Variants in BAHCC1 observed in about 807,000 individuals in gnomAD.
The protein encoded by BAHCC1 is BAH and coiled-coil domain-containing protein 1.
Under a neutral mutation model 88.2 loss-of-function variants are expected in BAHCC1, and 43 were observed. The observed-to-expected ratio is 0.49, with a 90% CI of 0.38 to 0.63. BAHCC1 has a LOEUF of 0.63. BAHCC1 is among the 20% of genes least tolerant of loss of function. The probability of loss-of-function intolerance (pLI) is 0.00; values close to 1 mark genes in which losing one functional copy is unlikely to be tolerated. For missense variants in BAHCC1, 3,023 were observed against 1,654.8 expected, an observed-to-expected ratio of 1.83 and a Z score of -14.34; for synonymous variants, 1,510 against 745.5, an observed-to-expected ratio of 2.03 and a Z score of -16.71.
At chr17:81,440,527 C>G (rs1555652341) in intron 4 of BAHCC1, among the ~76,000 whole-genome samples, 1 of 152,230 alleles carries the variant, frequency 6.6e-6, no homozygotes, top group Non-Finnish European at 1.5e-5. Flanking sequence ...CTCCCCTTGT[C>G]AGCTCCCTCT....
At chr17:81,456,667 T>C in intron 16 of BAHCC1, 82 bp downstream of exon 16, 1 of 640,242 alleles carries the variant, frequency 1.6e-6, no homozygotes, top group South Asian at 1.8e-5. Flanking sequence ...GGCAGGTTCA[T>C]GGCCGCCACC....
At chr17:81,408,263 G>T (rs1437496623) in intron 2 of BAHCC1, among the ~76,000 whole-genome samples, 8 of 152,162 alleles carry the variant, frequency 5.3e-5, no homozygotes, top group African/African-American at 9.7e-5. Context: ...GAGGCTGTCT[G>T]GTTGTCCTGG....
At chr17:81,446,363 A>G (rs1401058374) in intron 10 of BAHCC1, among the ~76,000 whole-genome samples, 2 of 150,868 alleles carry the variant, frequency 1.3e-5, no homozygotes, top group Non-Finnish European at 2.9e-5. Flanking sequence ...AACCCTGATT[A>G]AAGCATCATG....
chr17:81,432,934 C>T (rs771335372), intron 3 of BAHCC1, among the ~76,000 whole-genome samples: 31 of 117,396 alleles, frequency 2.6e-4, no homozygotes, highest in Non-Finnish European at 4.4e-4. Flanking sequence ...AGGAAGGCTG[C>T]GCTCCTCCCT....
rs947166721 is a variant in BAHCC1, at chr17:81,408,292, G to T, written c.178+8375G>T. ...GTCCTGGAAGCCGCTGCCTGCATGGGGCACTGCTTCCTGTCCTGTGTGGCC... is the reference window on the plus strand; with the variant it reads ...GTCCTGGAAGCCGCTGCCTGCATGGTGCACTGCTTCCTGTCCTGTGTGGCC... On this transcript the variant is annotated intron_variant, in intron 2 of 27. Coordinates refer to ENST00000675386, the MANE Select transcript of BAHCC1 (RefSeq NM_001377448.1). 1.4e-4 allele frequency among the ~76,000 whole-genome samples: 21 copies of T among 152,228 alleles called. No individual in the cohort carries two copies. In the Middle Eastern group the frequency reaches 0.01, roughly 74 times the overall value.
chr17:81,442,939 A>G lies in BAHCC1; in HGVS notation c.1590A>G (p.Glu530=), dbSNP rs781835723. 1.8e-5 allele frequency: 14 copies of G among 778,858 alleles called. No individual in the cohort carries two copies. The highest frequency in any genetic ancestry group is 2.2e-4 in the Middle Eastern group (1 of 4,460). 48.2% of individuals were successfully genotyped at this position (778,858 alleles called of 1,614,324 possible). A position where few individuals can be genotyped will look rare whatever the true frequency, so the allele number is the denominator to read the frequency against. ...CCTLDKTVGK[E]APAGPPGAQK... Reference sequence around the variant, plus strand: ...CTTTAGATAAGACTGTTGGCAAGGAAGCCCCGGCCGGCCCCCCAGGGGCAC... The same window carrying G: ...CTTTAGATAAGACTGTTGGCAAGGAGGCCCCGGCCGGCCCCCCAGGGGCAC... Residue 530 remains glutamate (E), a synonymous_variant, in exon 5 of 28, where the codon GAA becomes GAG. Coordinates refer to ENST00000675386, the MANE Select transcript of BAHCC1 (RefSeq NM_001377448.1).
chr17:81,447,413 G>T lies in BAHCC1; in HGVS notation c.3541G>T (p.Ala1181Ser). The change falls in exon 11 of 28, where the codon GCA (alanine) becomes TCA (serine). Residue 1181 changes from alanine (A) to serine (S), a missense_variant. Transcript: ENST00000675386. Reference sequence around the variant, plus strand: ...CCAGGCTCATTCTACTCAGGGAGGGGCACGAGAAGAGAGGAGCAGGGAGGA... The same window carrying T: ...CCAGGCTCATTCTACTCAGGGAGGGTCACGAGAAGAGAGGAGCAGGGAGGA... ...TGQAHSTQGG[A>S]REERSREEGE... 1 of 744,376 alleles carries T rather than the reference G, an allele frequency of 1.3e-6. No individual in the cohort carries two copies. The highest frequency in any genetic ancestry group is 1.9e-5 in the Admixed American group (1 of 53,018). 46.1% of individuals were successfully genotyped at this position (744,376 alleles called of 1,614,324 possible). A position where few individuals can be genotyped will look rare whatever the true frequency, so the allele number is the denominator to read the frequency against.
chr17:81,416,168 G>C (rs375727028), intron 2 of BAHCC1, among the ~76,000 whole-genome samples: 84 of 150,708 alleles, frequency 5.6e-4, no homozygotes, highest in African/African-American at 1.8e-3. Flanking sequence ...GTGTATGTGC[G>C]TGTGTGCATG....
chr17:81,455,459 G>A (rs1555657063), intron 15 of BAHCC1, 69 bp downstream of exon 15: 4 of 690,654 alleles, frequency 5.8e-6, no homozygotes, highest in Non-Finnish European at 1.1e-5. Context: ...CTGGCAGGTA[G>A]CAGACTCTCC....
chr17:81,409,771 G>A (rs782639647), intron 2 of BAHCC1, among the ~76,000 whole-genome samples: 7 of 152,292 alleles, frequency 4.6e-5, no homozygotes, highest in Admixed American at 1.3e-4. Context: ...TCCACAGGCC[G>A]GCCCTGCAAG....
At chr17:81,437,333 A>AC (rs1248778548) in intron 3 of BAHCC1, among the ~76,000 whole-genome samples, 1 of 152,234 alleles carries the variant, frequency 6.6e-6, no homozygotes, top group Non-Finnish European at 1.5e-5. Flanking sequence ...CCTGCACTGC[A>AC]CGGAGGGCTG....
intron 3 of BAHCC1, among the ~76,000 whole-genome samples, chr17:81,427,716 G>A (rs1024283980): frequency 1.5e-4 from 23 of 152,174 alleles, no homozygotes; most frequent in African/African-American, 5.6e-4. Context: ...GCGTGGGAAG[G>A]GTTAAGCTCC....
At chr17:81,427,553 G>A (rs927512951) in intron 3 of BAHCC1, among the ~76,000 whole-genome samples, 86 of 152,278 alleles carry the variant, frequency 5.6e-4, no homozygotes, top group African/African-American at 1.4e-3. Context: ...GGAGACTCCT[G>A]GAGGCCCCCC....
Position 81,464,003 on chromosome 17 carries a change from C to T in BAHCC1, c.*186C>T, listed in dbSNP as rs1348843519. 5.0e-6 allele frequency: 3 copies of T among 605,154 alleles called. No homozygotes were observed. Among genetic ancestry groups the T allele is most frequent in the East Asian group, 5.5e-5 (2 of 36,220 alleles). 37.5% of individuals were successfully genotyped at this position (605,154 alleles called of 1,614,324 possible). A position where few individuals can be genotyped will look rare whatever the true frequency, so the allele number is the denominator to read the frequency against. Reference sequence around the variant, plus strand: ...TCCCTGGAAAGAGCGCTCCAGGTGTCGGAATCCAGTCCCGTCCCATCCTCT... The same window carrying T: ...TCCCTGGAAAGAGCGCTCCAGGTGTTGGAATCCAGTCCCGTCCCATCCTCT... On this transcript the variant is annotated 3_prime_UTR_variant, in exon 28 of 28. Transcript: ENST00000675386.
chr17:81,421,983 G>T (rs368186405), intron 2 of BAHCC1: 2 of 390,548 alleles, frequency 5.1e-6, no homozygotes, highest in South Asian at 3.6e-5. Flanking sequence ...CCTCAGGGCC[G>T]GGGTCTCGGG....
intron 2 of BAHCC1, among the ~76,000 whole-genome samples, chr17:81,425,152 ATGGTGGGTGT>A (rs2064164735): frequency 2.8e-4 from 9 of 32,040 alleles, no homozygotes; most frequent in African/African-American, 8.2e-4. Flanking sequence ...GTTGGGGGTG[ATGGTGGGTGT>A]TGTGGTTGGT....
intron 2 of BAHCC1, among the ~76,000 whole-genome samples, chr17:81,404,149 AG>A (rs2063851861): frequency 6.6e-6 from 1 of 152,218 alleles, no homozygotes; most frequent in African/African-American, 2.4e-5. Flanking sequence ...AATGCATAGG[AG>A]GCTGTTAGAA....
chr17:81,431,999 G>A (rs1487369556), intron 3 of BAHCC1, among the ~76,000 whole-genome samples: 1 of 152,302 alleles, frequency 6.6e-6, no homozygotes, highest in East Asian at 1.9e-4. Flanking sequence ...CTATGTGCAG[G>A]GCAGGTGGGC....
Position 81,460,963 on chromosome 17 carries a change from G to T in BAHCC1, c.6300G>T (p.Ala2100=), listed in dbSNP as rs551362698. ...GCAGCCCCTTGCTGAGCTGGTCCGCGGTGGCGCAGACCAAGCGGAAGGCGG... is the reference window on the plus strand; with the variant it reads ...GCAGCCCCTTGCTGAGCTGGTCCGCTGTGGCGCAGACCAAGCGGAAGGCGG... ...RRGSPLLSWS[A]VAQTKRKAVA... Residue 2100 remains alanine, a synonymous_variant, in exon 26 of 28, where the codon GCG becomes GCT. Transcript: ENST00000675386. 4 of 772,570 alleles carry T rather than the reference G, an allele frequency of 5.2e-6. No homozygotes were observed. The highest frequency in any genetic ancestry group is 9.6e-6 in the Non-Finnish European group (4 of 417,772). The allele number at this position is 772,570 out of a possible 1,614,324, so 47.9% of individuals were successfully genotyped here. A position where few individuals can be genotyped will look rare whatever the true frequency, so the allele number is the denominator to read the frequency against.
Sources: gnomAD v4.1 joint callset for allele counts (sites outside exome capture counted in the v4.1 genomes callset) on GRCh38, gnomAD v4.1.1 for gene constraint, MANE v1.5 for transcripts, NCBI Gene and HGNC (gene_info 2026-07-23, HGNC 2026-07-21) for gene names.